ABCA10: variants seen among roughly 807,000 people sequenced by gnomAD.
ABCA10 encodes ATP-binding cassette sub-family A member 10.
A neutral mutation model predicts 187.5 loss-of-function variants in ABCA10; 169 were observed. That is an observed-to-expected ratio of 0.90 (90% confidence interval 0.80 to 1.02). ABCA10 has a LOEUF of 1.02. ABCA10 is among the 50% of genes least tolerant of loss of function. ABCA10 has a pLI of 0.00. For synonymous variants in ABCA10, 574 were observed against 601.8 expected, an observed-to-expected ratio of 0.95 and a Z score of 0.68; for missense variants, 1,727 against 1,812.4, an observed-to-expected ratio of 0.95 and a Z score of 0.86.
chr17:69,210,845 C>CATATATATATATATATATATATATATAT (rs1568069877), intron 9 of ABCA10, among the ~76,000 whole-genome samples: 1 of 13,244 alleles, frequency 7.6e-5, no homozygotes, highest in African/African-American at 4.2e-4. Flanking sequence ...ATATTTATGC[C>CATATATATATATATATATATATATATAT]ACATATATAT....
At chr17:69,170,437 CAAAAA>C (rs71144658) in intron 25 of ABCA10, among the ~76,000 whole-genome samples, 2 of 109,680 alleles carry the variant, frequency 1.8e-5, no homozygotes, top group Non-Finnish European at 1.9e-5. Flanking sequence ...TTTTACTCAT[CAAAAA>C]AAAAAAAAAA....
rs2074751179 is a variant in ABCA10 at position 69,221,909 on chromosome 17, G to A, written c.200-14C>T. 1.3e-6 allele frequency: 2 copies of A among 1,571,378 alleles called. No individual in the cohort carries two copies. The highest frequency in any genetic ancestry group is 1.8e-5 in the Admixed American group (1 of 54,572). On this transcript the variant is annotated splice_polypyrimidine_tract_variant and intron_variant, in intron 4 of 38. Transcript: ENST00000690296. ...CCCAACAGTGTTCTTTAAGGAAGAA[G>A]AAAAACATGTCCATAGTTATATAAT...
chr17:69,236,093 C>CTA (rs142113233), intron 1 of ABCA10, among the ~76,000 whole-genome samples: 2,008 of 151,988 alleles, frequency 0.013, 35 homozygotes, highest in African/African-American at 0.045. Context: ...CTTACAATAC[C>CTA]TATATATATA....
At chr17:69,182,832 CAAG>C in intron 20 of ABCA10, 24 bp from the exon 21 acceptor site, 2 of 1,300,008 alleles carry the variant, frequency 1.5e-6, no homozygotes, top group South Asian at 1.9e-5. Context: ...AGGAAGGCAA[CAAG>C]AAAAAAAAAA....
intron 29 of ABCA10, 33 bp from the exon 30 acceptor site, chr17:69,155,169 T>A: frequency 6.8e-7 from 1 of 1,475,760 alleles, no homozygotes; most frequent in Non-Finnish European, 9.4e-7. Flanking sequence ...ATTTCCCTGT[T>A]AAATTTCAGA....
chr17:69,224,145 A>G (rs1312837683), intron 3 of ABCA10, among the ~76,000 whole-genome samples: 1 of 152,194 alleles, frequency 6.6e-6, no homozygotes, highest in Non-Finnish European at 1.5e-5. Flanking sequence ...GCCAGGGATA[A>G]CAATACCCAT....
chr17:69,235,765 CT>C (rs1324339577), intron 1 of ABCA10, among the ~76,000 whole-genome samples: 2 of 150,212 alleles, frequency 1.3e-5, no homozygotes, highest in African/African-American at 4.9e-5. Flanking sequence ...CTCATGGTTA[CT>C]GAGATTTAAA....
At chr17:69,226,396 C>T (rs1053762926) in intron 2 of ABCA10, among the ~76,000 whole-genome samples, 2 of 152,036 alleles carry the variant, frequency 1.3e-5, no homozygotes, top group Non-Finnish European at 2.9e-5. Context: ...CGAACTGCTT[C>T]GGAAGCTATT....
At chr17:69,227,045 A>C (rs1199113993) in intron 2 of ABCA10, 100 bp downstream of exon 2, 2 of 151,364 alleles carry the variant, frequency 1.3e-5, no homozygotes, top group African/African-American at 4.8e-5. Context: ...TAAAAATCAG[A>C]ATTTATAAAC....
Position 69,214,732 on chromosome 17 carries a change from G to T in ABCA10, c.978C>A (p.Phe326Leu). 1.3e-6 allele frequency: 2 copies of T among 1,514,290 alleles called. No homozygotes were observed. Among genetic ancestry groups the T allele is most frequent in the South Asian group, 2.6e-5 (2 of 77,486 alleles). The allele number at this position is 1,514,290 out of a possible 1,614,324, so 93.8% of individuals were successfully genotyped here. A position where few individuals can be genotyped will look rare whatever the true frequency, so the allele number is the denominator to read the frequency against. Residue 326 changes from phenylalanine (F) to leucine (L), a missense_variant, in exon 9 of 39, where the codon TTC becomes TTA. Phe to Leu is a conservative substitution (Grantham distance 22). Transcript: ENST00000690296. ...GTAAAACTCGCTCAAAATATAATGT[G>T]AATATCAAATAGAAAAGAGTATCAA... Reference protein sequence around the residue: ...LAFDTLFYLIFTLYFERVLPD... With the variant: ...LAFDTLFYLILTLYFERVLPD...
intron 9 of ABCA10, among the ~76,000 whole-genome samples, chr17:69,204,729 T>C (rs1466754487): frequency 6.6e-6 from 1 of 152,268 alleles, no homozygotes; most frequent in Non-Finnish European, 1.5e-5. Context: ...TTGGTACAGA[T>C]ACCATTAGCA....
chr17:69,205,310 C>A (rs2074583129), intron 9 of ABCA10, among the ~76,000 whole-genome samples: 1 of 152,078 alleles, frequency 6.6e-6, no homozygotes, highest in African/African-American at 2.4e-5. Flanking sequence ...CACAACGTAG[C>A]CTCTAGATGG....
intron 11 of ABCA10, among the ~76,000 whole-genome samples, chr17:69,195,602 T>TCA (rs941639680): frequency 6.8e-5 from 10 of 147,078 alleles, no homozygotes; most frequent in South Asian, 4.4e-4. Context: ...TGGGTGTTTC[T>TCA]CAGAGAGGGG....
Position 69,148,459 on chromosome 17 carries a change from C to A in ABCA10, c.*368G>T. 1 of 165,980 alleles carries A rather than the reference C, an allele frequency of 6.0e-6. No homozygotes were observed. The highest frequency in any genetic ancestry group is 1.3e-5 in the Non-Finnish European group (1 of 77,212). The allele number at this position is 165,980 out of a possible 1,614,324, so 10.3% of individuals were successfully genotyped here. On this transcript the variant is annotated 3_prime_UTR_variant, in exon 39 of 39. Coordinates refer to ENST00000690296, the MANE Select transcript of ABCA10 (RefSeq NM_001377321.1). ...CCGAGTAAATAATGTTTAAAAATAGCTGATACATTTGAAGTTCAGGCTAAA... is the reference window on the plus strand; with the variant it reads ...CCGAGTAAATAATGTTTAAAAATAGATGATACATTTGAAGTTCAGGCTAAA...
At chr17:69,167,704 A>AT (rs1020008582) in intron 25 of ABCA10, among the ~76,000 whole-genome samples, 46 of 152,140 alleles carry the variant, frequency 3.0e-4, no homozygotes, top group African/African-American at 1.0e-3. Flanking sequence ...AAGAATTGAC[A>AT]TTAGACAATC....
In ABCA10 at chr17:69,155,066, C is replaced by T. The variant is rs72853603; in HGVS notation, c.3647G>A (p.Arg1216Lys). Residue 1216 changes from arginine (R) to lysine (K), a missense_variant, in exon 30 of 39, where the codon AGA (arginine) becomes AAA (lysine). Coordinates refer to ENST00000690296, the MANE Select transcript of ABCA10 (RefSeq NM_001377321.1). ...ATTTCTGATGGCTATTTTCTTCTTT[C>T]TTGTTGAAAAGCAACTTTTCTTTGT... Reference protein sequence around the residue: ...YETKKSCFSTRKKKIAIRNVS... With the variant: ...YETKKSCFSTKKKKIAIRNVS... The T allele has an allele frequency of 2.5e-6, 4 of 1,612,230 alleles. No individual in the cohort carries two copies. Among genetic ancestry groups the T allele is most frequent in the Non-Finnish European group, 3.4e-6 (4 of 1,178,864 alleles).
chr17:69,178,489 G>A (rs2074353895), intron 22 of ABCA10, among the ~76,000 whole-genome samples: 2 of 152,090 alleles, frequency 1.3e-5, no homozygotes, highest in Non-Finnish European at 2.9e-5. Flanking sequence ...CTCTGGGGAT[G>A]GTGTCCAGTA....
At chr17:69,223,086 G>A (rs1456572085) in intron 3 of ABCA10, among the ~76,000 whole-genome samples, 1 of 152,118 alleles carries the variant, frequency 6.6e-6, no homozygotes, top group Non-Finnish European at 1.5e-5. Context: ...AGAGGAAGTA[G>A]TGGTGAAGAT....
chr17:69,208,224 T>TG (rs2074606286), intron 9 of ABCA10, among the ~76,000 whole-genome samples: 1 of 151,844 alleles, frequency 6.6e-6, no homozygotes, highest in African/African-American at 2.4e-5. Flanking sequence ...AAGACCATCC[T>TG]GGCTAACACG....
Sources: gnomAD v4.1 joint callset for allele counts (sites outside exome capture counted in the v4.1 genomes callset) on GRCh38, gnomAD v4.1.1 for gene constraint, MANE v1.5 for transcripts, NCBI Gene and HGNC (gene_info 2026-07-23, HGNC 2026-07-21) for gene names.